RFX3: variants seen among roughly 807,000 people sequenced by gnomAD.
RFX3 encodes the protein transcription factor RFX3.
A neutral mutation model predicts 98.6 loss-of-function variants in RFX3; 14 were observed. That is an observed-to-expected ratio of 0.14 (90% confidence interval 0.09 to 0.22). The LOEUF (loss-of-function observed/expected upper bound fraction) is 0.22. RFX3 is among the 10% of genes least tolerant of loss of function. The pLI, the probability that RFX3 is intolerant of heterozygous loss-of-function variation, is 1.00. For missense variants in RFX3, 639 were observed against 926.9 expected (o/e 0.69, Z 4.03); for synonymous variants, 383 against 328.4 (o/e 1.17, Z -1.80).
chr9:3,469,845 C>CAAA (rs762924935), intron 1 of RFX3, among the ~76,000 whole-genome samples: 3 of 92,214 alleles, frequency 3.3e-5, no homozygotes, highest in Non-Finnish European at 6.9e-5. Flanking sequence ...GACTCCGTCT[C>CAAA]AAAAAAAAAA....
At chr9:3,517,297 G>A (rs75691931) in intron 1 of RFX3, among the ~76,000 whole-genome samples, 2,656 of 152,260 alleles carry the variant, frequency 0.017, 85 homozygotes, top group African/African-American at 0.06. Flanking sequence ...GAAATAGAGT[G>A]AGAACCTTTA....
intron 2 of RFX3, chr9:3,395,024 T>G: frequency 4.7e-6 from 1 of 210,658 alleles, no homozygotes; most frequent in Non-Finnish European, 8.2e-6. Flanking sequence ...AAAGGCACTT[T>G]CTAAAATACC....
At chr9:3,345,253 C>A (rs1401166552) in intron 3 of RFX3, among the ~76,000 whole-genome samples, 2 of 151,942 alleles carry the variant, frequency 1.3e-5, no homozygotes, top group African/African-American at 4.8e-5. Flanking sequence ...GGAGAGAAGA[C>A]AGAGAATGCT....
rs74744884 is a variant in RFX3 at position 3,510,489 on chromosome 9, T to C, written c.-9+15258A>G. ...CTGAAAATGGCTGATTTTTAAATTA[T>C]ATCCTATAACGCAAATGTAGTACTG... On this transcript the variant is annotated intron_variant, in intron 1 of 16. Coordinates refer to ENST00000617270, the MANE Select transcript of RFX3 (RefSeq NM_001282116.2). 6.7e-4 allele frequency among the ~76,000 whole-genome samples: 102 copies of C among 152,210 alleles called. 1 individual carries two copies. Among genetic ancestry groups the C allele is most frequent in the African/African-American group, 2.4e-3 (98 of 41,564 alleles).
intron 1 of RFX3, among the ~76,000 whole-genome samples, chr9:3,403,430 GA>G (rs897935223): frequency 5.9e-5 from 9 of 152,162 alleles, no homozygotes; most frequent in African/African-American, 1.9e-4. Flanking sequence ...TTGATCTGTA[GA>G]AAAATGAAGG....
chr9:3,241,871 G>A (rs1311352226), intron 15 of RFX3, among the ~76,000 whole-genome samples: 1 of 152,064 alleles, frequency 6.6e-6, no homozygotes, highest in African/African-American at 2.4e-5. Context: ...AGTGCAAGGG[G>A]AAAAGATGGC....
chr9:3,524,569 AC>A, intron 1 of RFX3: 5 of 959,344 alleles, frequency 5.2e-6, no homozygotes, highest in Non-Finnish European at 6.2e-6. Context: ...AAAAAAAAAA[AC>A]TCTTAAAGTA....
At chr9:3,238,933 T>G (rs1586691275) in intron 15 of RFX3, among the ~76,000 whole-genome samples, 1 of 150,574 alleles carries the variant, frequency 6.6e-6, no homozygotes. Context: ...GCAGAGGCTG[T>G]GTCATAGTGA....
At chr9:3,358,345 C>G (rs1239105822) in intron 2 of RFX3, among the ~76,000 whole-genome samples, 3 of 152,158 alleles carry the variant, frequency 2.0e-5, no homozygotes, top group African/African-American at 7.2e-5. Flanking sequence ...CATTTGGTTT[C>G]AGCCATAAAT....
intron 2 of RFX3, among the ~76,000 whole-genome samples, chr9:3,348,680 G>C (rs1834733178): frequency 6.6e-6 from 1 of 152,002 alleles, no homozygotes; most frequent in Non-Finnish European, 1.5e-5. Context: ...GTACCCTCCA[G>C]AGGTGATCGG....
chr9:3,494,923 T>C (rs1338010902), intron 1 of RFX3, among the ~76,000 whole-genome samples: 2 of 151,976 alleles, frequency 1.3e-5, no homozygotes, highest in Non-Finnish European at 2.9e-5. Flanking sequence ...AGTGTACAGT[T>C]TGCATAAAAG....
intron 3 of RFX3, among the ~76,000 whole-genome samples, chr9:3,333,691 A>G: frequency 6.6e-6 from 1 of 152,178 alleles, no homozygotes; most frequent in East Asian, 1.9e-4. Context: ...GTTGATATTT[A>G]AGTATAGTCA....
rs373125260 is a variant in RFX3, at chr9:3,494,581, G to C, written c.-9+31166C>G. Among the ~76,000 whole-genome samples the C allele has an allele frequency of 2.2e-4, 34 of 152,050 alleles. 2 individuals carry two copies. In the South Asian group the frequency reaches 7.1e-3, roughly 32 times the overall value. On this transcript the variant is annotated intron_variant, in intron 1 of 16. Transcript: ENST00000617270. ...GGTAAGGCTTCAGTAAATCATAGTT[G>C]TATCTATCTATACCCATCTGATTAG...
At chr9:3,362,793 C>A (rs1836607603) in intron 2 of RFX3, among the ~76,000 whole-genome samples, 1 of 152,094 alleles carries the variant, frequency 6.6e-6, no homozygotes, top group African/African-American at 2.4e-5. Context: ...AGATGCCTAC[C>A]ATTTATTTCT....
chr9:3,331,421 G>C (rs1270942656), intron 3 of RFX3, among the ~76,000 whole-genome samples: 1 of 151,946 alleles, frequency 6.6e-6, no homozygotes. Context: ...AAAATACTAA[G>C]TTCTCAAGAA....
chr9:3,416,693 G>A (rs1316127043), intron 1 of RFX3, among the ~76,000 whole-genome samples: 4 of 152,062 alleles, frequency 2.6e-5, no homozygotes, highest in African/African-American at 9.7e-5. Flanking sequence ...AGCAGCATAC[G>A]TTAAACCATT....
chr9:3,380,412 T>C (rs1839055753), intron 2 of RFX3, among the ~76,000 whole-genome samples: 1 of 152,202 alleles, frequency 6.6e-6, no homozygotes, highest in Admixed American at 6.5e-5. Context: ...TCTGTTTACC[T>C]ACCAGTCTCT....
At chr9:3,235,096 G>C (rs1404166258) in intron 15 of RFX3, among the ~76,000 whole-genome samples, 3 of 152,208 alleles carry the variant, frequency 2.0e-5, no homozygotes, top group African/African-American at 7.2e-5. Context: ...GGAAGAAGTC[G>C]AGAATGACAG....
intron 4 of RFX3, among the ~76,000 whole-genome samples, chr9:3,320,999 T>A (rs1361499635): frequency 7.8e-6 from 1 of 128,882 alleles, no homozygotes; most frequent in Non-Finnish European, 1.5e-5. Context: ...CCTCCTAGGT[T>A]CAAAGCGATT....
Sources: allele counts gnomAD v4.1 joint callset (sites outside exome capture counted in the v4.1 genomes callset), GRCh38; gene constraint gnomAD v4.1.1; transcripts MANE v1.5; gene names NCBI Gene and HGNC (gene_info 2026-07-23, HGNC 2026-07-21).